MTUS2: variants seen among roughly 807,000 people sequenced by gnomAD.
MTUS2 encodes microtubule-associated tumor suppressor candidate 2.
Under a neutral mutation model 114.1 loss-of-function variants are expected in MTUS2, and 40 were observed. That is an observed-to-expected ratio of 0.35 (90% CI 0.27 to 0.46). The LOEUF (loss-of-function observed/expected upper bound fraction) is 0.46. Ranked by LOEUF, MTUS2 falls within the 20% of genes least tolerant of loss-of-function variation. The pLI is 1.00. For synonymous variants in MTUS2, 688 were observed against 672.0 expected (o/e 1.02, Z -0.37); for missense variants, 1,679 against 1,705.4 (o/e 0.98, Z 0.27).
At chr13:29,379,628 G>T (rs1023554371) in intron 8 of MTUS2, among the ~76,000 whole-genome samples, 10 of 152,074 alleles carry the variant, frequency 6.6e-5, no homozygotes, top group Non-Finnish European at 2.9e-5. Flanking sequence ...TACCAGAAGG[G>T]AACAAGTGCC....
chr13:29,415,424 A>G (rs893181934), intron 8 of MTUS2, among the ~76,000 whole-genome samples: 6 of 152,218 alleles, frequency 3.9e-5, no homozygotes, highest in Non-Finnish European at 7.3e-5. Context: ...TTACATCTTC[A>G]TCACGATTTT....
At chr13:29,297,073 G>T (rs528019561) in intron 6 of MTUS2, among the ~76,000 whole-genome samples, 32 of 152,122 alleles carry the variant, frequency 2.1e-4, no homozygotes, top group African/African-American at 7.7e-4. Context: ...TATTTTCATA[G>T]TTTCAAGTTT....
At chr13:29,466,338 A>G (rs1161394297) in intron 9 of MTUS2, among the ~76,000 whole-genome samples, 1 of 152,208 alleles carries the variant, frequency 6.6e-6, no homozygotes, top group Non-Finnish European at 1.5e-5. Context: ...TGGGCTATTG[A>G]TAACTGCCTG....
chr13:28,998,828 T>C (rs918243629), intron 2 of MTUS2, among the ~76,000 whole-genome samples: 1 of 152,174 alleles, frequency 6.6e-6, no homozygotes, highest in Non-Finnish European at 1.5e-5. Flanking sequence ...TCTTTGCCAT[T>C]GGTTCGAACT....
At chr13:29,195,387 A>G (rs1894643860) in intron 5 of MTUS2, among the ~76,000 whole-genome samples, 2 of 151,984 alleles carry the variant, frequency 1.3e-5, no homozygotes, top group Admixed American at 6.6e-5. Flanking sequence ...ACATTTTGGT[A>G]TATTTTCCTC....
intron 4 of MTUS2, among the ~76,000 whole-genome samples, chr13:29,079,656 T>C (rs1170956645): frequency 6.6e-6 from 1 of 152,230 alleles, no homozygotes; most frequent in Non-Finnish European, 1.5e-5. Flanking sequence ...AAACCTCTTC[T>C]TTATCCAATG....
intron 5 of MTUS2, among the ~76,000 whole-genome samples, chr13:29,199,110 A>G (rs539593466): frequency 1.1e-4 from 16 of 152,312 alleles, no homozygotes; most frequent in Admixed American, 3.9e-4. Context: ...TTTCATATGG[A>G]AACAAAAAAG....
At position 29,025,889 on chromosome 13, in the gene MTUS2, A is replaced by G; in HGVS notation, c.1191A>G (p.Lys397=). 6.2e-7 allele frequency: 1 copy of G among 1,613,502 alleles called. No individual in the cohort carries two copies. Among genetic ancestry groups the G allele is most frequent in the Non-Finnish European group, 8.5e-7 (1 of 1,179,612 alleles). ...AGGATTCTCTCCACACCACCCCCAA[A>G]CAGGGCTCTGCTTCCTTAGGAGGGG... ...GEQDSLHTTP[K]QGSASLGGAD... The change falls in exon 3 of 16, where the codon AAA becomes AAG. Residue 397 remains lysine, a synonymous_variant. Transcript: ENST00000612955.
At chr13:29,252,308 T>C (rs1001461114) in intron 5 of MTUS2, among the ~76,000 whole-genome samples, 1 of 152,170 alleles carries the variant, frequency 6.6e-6, no homozygotes, top group Non-Finnish European at 1.5e-5. Context: ...GTGGACTTAT[T>C]ATATTTTCTG....
chr13:29,284,041 C>G lies in MTUS2; in HGVS notation c.2806+2176C>G, dbSNP rs80081032. Among the ~76,000 whole-genome samples, 67 of 152,268 alleles carry G rather than the reference C, an allele frequency of 4.4e-4. No homozygotes were observed. In the East Asian group the frequency reaches 0.011, roughly 25 times the overall value. On this transcript the variant is annotated intron_variant, in intron 6 of 15. Transcript: ENST00000612955. ...AATCATACATGCATTTATTCTTTGACATAATAGTCTCACACCGAGGAGTCT... is the reference window on the plus strand; with the variant it reads ...AATCATACATGCATTTATTCTTTGAGATAATAGTCTCACACCGAGGAGTCT...
At chr13:29,115,283 T>C (rs1891043656) in intron 5 of MTUS2, among the ~76,000 whole-genome samples, 1 of 152,248 alleles carries the variant, frequency 6.6e-6, no homozygotes, top group African/African-American at 2.4e-5. Flanking sequence ...CGGTTGAATA[T>C]ATGCAGGTCG....
In MTUS2 at chr13:28,820,438, C is replaced by G. The variant is rs1344657404; in HGVS notation, c.-489C>G. The stretch of plus-strand genomic sequence containing the variant: ...CTCTCAGGGCAAGTTTATCTCCCCC[C>G]TTCTGCGGAAACCCTTGACCGCTTA... On this transcript the variant is annotated 5_prime_UTR_variant, in exon 1 of 16. Transcript: ENST00000612955. The G allele has an allele frequency of 6.6e-5, 10 of 152,136 alleles. No homozygotes were observed. Among genetic ancestry groups the G allele is most frequent in the Admixed American group, 5.2e-4 (8 of 15,284 alleles). 9.4% of individuals were successfully genotyped at this position (152,136 alleles called of 1,614,324 possible).
In MTUS2 at chr13:28,922,233, A is replaced by G. The variant is rs556992307; in HGVS notation, c.-243+82383A>G. ...TAAGTTTCCTGAGGCCTCCCTACCCATGCCTCCTATATAGCCTGTGGAACT... is the reference window on the plus strand; with the variant it reads ...TAAGTTTCCTGAGGCCTCCCTACCCGTGCCTCCTATATAGCCTGTGGAACT... On this transcript the variant is annotated intron_variant, in intron 2 of 15. Coordinates refer to ENST00000612955, the MANE Select transcript of MTUS2 (RefSeq NM_001033602.4). Among the ~76,000 whole-genome samples the G allele has an allele frequency of 1.1e-4, 17 of 152,248 alleles. No individual in the cohort carries two copies. The East Asian group carries it at 3.3e-3, about 29-fold the overall frequency.
chr13:29,001,013 T>C (rs1220882068), intron 2 of MTUS2, among the ~76,000 whole-genome samples: 1 of 152,188 alleles, frequency 6.6e-6, no homozygotes, highest in Non-Finnish European at 1.5e-5. Flanking sequence ...AGGATCAGGC[T>C]ATTTAATGTA....
At chr13:29,059,015 TC>T (rs1199811541) in intron 4 of MTUS2, among the ~76,000 whole-genome samples, 1 of 152,176 alleles carries the variant, frequency 6.6e-6, no homozygotes, top group African/African-American at 2.4e-5. Context: ...TTTTCCCAAA[TC>T]TTGACAATCT....
intron 2 of MTUS2, among the ~76,000 whole-genome samples, chr13:28,862,194 G>A (rs535917234): frequency 6.6e-6 from 1 of 152,232 alleles, no homozygotes; most frequent in East Asian, 1.9e-4. Context: ...TCACATGGTT[G>A]GTTTGAAATT....
intron 5 of MTUS2, among the ~76,000 whole-genome samples, chr13:29,236,310 A>T (rs1234915819): frequency 6.6e-6 from 1 of 152,130 alleles, no homozygotes; most frequent in East Asian, 1.9e-4. Flanking sequence ...TGTATTCGAT[A>T]TGTTCTATTA....
At chr13:29,099,864 T>C (rs946402989) in intron 4 of MTUS2, among the ~76,000 whole-genome samples, 8 of 152,212 alleles carry the variant, frequency 5.3e-5, no homozygotes, top group African/African-American at 1.9e-4. Context: ...TCTCATAGTG[T>C]TGTGATAATC....
chr13:28,856,395 G>GATGCA (rs1876631134), intron 2 of MTUS2, among the ~76,000 whole-genome samples: 1 of 152,180 alleles, frequency 6.6e-6, no homozygotes, highest in African/African-American at 2.4e-5. Flanking sequence ...AACAATGTGG[G>GATGCA]ATGCATGCTC....
Sources: gnomAD v4.1 joint callset for allele counts (sites outside exome capture counted in the v4.1 genomes callset) on GRCh38, gnomAD v4.1.1 for gene constraint, MANE v1.5 for transcripts, NCBI Gene and HGNC (gene_info 2026-07-23, HGNC 2026-07-21) for gene names.